The following ARL15 variants were observed in gnomAD, a reference collection of about 807,000 sequenced individuals.
The protein encoded by ARL15 is ADP-ribosylation factor-like protein 15.
A neutral mutation model predicts 25.2 loss-of-function variants in ARL15; 19 were observed. That is an observed-to-expected ratio of 0.75 (90% CI 0.53 to 1.10). The LOEUF is 1.10. Among genes scored for constraint, ARL15 ranks in the 50% least tolerant of loss-of-function variants. The pLI, the probability that ARL15 is intolerant of heterozygous loss-of-function variation, is 0.00. For missense variants in ARL15, 220 were observed against 246.0 expected, an observed-to-expected ratio of 0.89 and a Z score of 0.71; for synonymous variants, 94 against 86.8, an observed-to-expected ratio of 1.08 and a Z score of -0.46.
At chr5:54,298,196 T>A (rs1308862853) in intron 1 of ARL15, among the ~76,000 whole-genome samples, 1 of 152,280 alleles carries the variant, frequency 6.6e-6, no homozygotes, top group East Asian at 1.9e-4. Context: ...ATTGTCTACC[T>A]ATGGATTCAC....
intron 1 of ARL15, among the ~76,000 whole-genome samples, chr5:54,210,251 C>T (rs1012311145): frequency 2.6e-5 from 4 of 152,132 alleles, no homozygotes; most frequent in African/African-American, 9.7e-5. Flanking sequence ...GGCATCATTA[C>T]CATAAAATCC....
At chr5:54,057,589 C>A (rs1361534240) in intron 4 of ARL15, among the ~76,000 whole-genome samples, 1 of 152,200 alleles carries the variant, frequency 6.6e-6, no homozygotes. Flanking sequence ...GTGGCTCATG[C>A]CTGTAATGTC....
chr5:54,142,688 G>T (rs1207661863), intron 3 of ARL15, among the ~76,000 whole-genome samples: 1 of 152,090 alleles, frequency 6.6e-6, no homozygotes, highest in Non-Finnish European at 1.5e-5. Flanking sequence ...CGTGTTCCAT[G>T]CTCTTATGTT....
intron 1 of ARL15, among the ~76,000 whole-genome samples, chr5:54,267,015 T>A (rs1757641692): frequency 6.6e-6 from 1 of 152,198 alleles, no homozygotes; most frequent in African/African-American, 2.4e-5. Flanking sequence ...TCTGGATATT[T>A]ATTAAATGGT....
intron 4 of ARL15, among the ~76,000 whole-genome samples, chr5:53,921,563 A>G (rs1042178871): frequency 2.0e-5 from 3 of 152,224 alleles, no homozygotes; most frequent in Non-Finnish European, 4.4e-5. Context: ...ACTTGAGGTC[A>G]GGAGTTCAAG....
intron 4 of ARL15, among the ~76,000 whole-genome samples, chr5:54,056,816 C>G (rs1440361421): frequency 6.6e-6 from 1 of 152,074 alleles, no homozygotes; most frequent in Non-Finnish European, 1.5e-5. Context: ...AACTGCTTAT[C>G]TTTGGGCAAA....
chr5:54,023,102 C>G (rs76503453), intron 4 of ARL15, among the ~76,000 whole-genome samples: 7,183 of 151,884 alleles, frequency 0.047, 230 homozygotes, highest in Middle Eastern at 0.078. Flanking sequence ...ATCTGAACAA[C>G]CGAAAGAAAC....
chr5:54,146,390 T>C (rs537502037), intron 3 of ARL15, among the ~76,000 whole-genome samples: 43 of 152,128 alleles, frequency 2.8e-4, no homozygotes, highest in Admixed American at 2.0e-4. Context: ...ACAAGAGAAT[T>C]GTTATCAGCA....
chr5:54,204,060 A>G (rs1289938429), intron 1 of ARL15, among the ~76,000 whole-genome samples: 1 of 152,124 alleles, frequency 6.6e-6, no homozygotes, highest in Non-Finnish European at 1.5e-5. Context: ...AAAAATCTGG[A>G]AGCTGCTACC....
chr5:54,256,068 A>G (rs1159107704), intron 1 of ARL15, among the ~76,000 whole-genome samples: 1 of 152,090 alleles, frequency 6.6e-6, no homozygotes, highest in Non-Finnish European at 1.5e-5. Flanking sequence ...AAAAATAACA[A>G]AGATCAGAAC....
chr5:53,884,716 G>A lies in ARL15; in HGVS notation c.*1845C>T, dbSNP rs1744463045. Reference sequence around the variant, plus strand: ...GGGAAGTCATTTAACAGATGGCTTAGGAGCACTCAGCCACGGTGTCTTAAA... The same window carrying A: ...GGGAAGTCATTTAACAGATGGCTTAAGAGCACTCAGCCACGGTGTCTTAAA... On this transcript the variant is annotated 3_prime_UTR_variant, in exon 5 of 5. Transcript: ENST00000504924. 6.6e-6 allele frequency: 1 copy of A among 152,214 alleles called. No individual in the cohort carries two copies. The highest frequency in any genetic ancestry group is 2.4e-5 in the African/African-American group (1 of 41,352). 9.4% of individuals were successfully genotyped at this position (152,214 alleles called of 1,614,324 possible). A position where few individuals can be genotyped will look rare whatever the true frequency, so the allele number is the denominator to read the frequency against.
intron 4 of ARL15, among the ~76,000 whole-genome samples, chr5:54,111,033 G>A (rs1265648743): frequency 6.6e-6 from 1 of 151,926 alleles, no homozygotes; most frequent in Non-Finnish European, 1.5e-5. Context: ...CCATGTCACT[G>A]TGCTTCCATA....
At chr5:53,933,574 G>C (rs1454827731) in intron 4 of ARL15, among the ~76,000 whole-genome samples, 1 of 136,398 alleles carries the variant, frequency 7.3e-6, no homozygotes, top group African/African-American at 2.7e-5. Context: ...GAACCTGGGA[G>C]ACAGAGCTTG....
intron 1 of ARL15, among the ~76,000 whole-genome samples, chr5:54,245,942 A>C (rs1394012331): frequency 6.6e-6 from 1 of 152,130 alleles, no homozygotes; most frequent in Non-Finnish European, 1.5e-5. Context: ...CCTTTCTGAT[A>C]ATATTGTATC....
At chr5:54,177,687 T>A (rs1000985774) in intron 1 of ARL15, among the ~76,000 whole-genome samples, 1 of 152,150 alleles carries the variant, frequency 6.6e-6, no homozygotes, top group Non-Finnish European at 1.5e-5. Context: ...TAATTGTACA[T>A]TTCATTTTCC....
At chr5:54,087,276 T>A (rs1229618602) in intron 4 of ARL15, among the ~76,000 whole-genome samples, 5 of 151,574 alleles carry the variant, frequency 3.3e-5, no homozygotes, top group African/African-American at 1.2e-4. Context: ...TGCAGTGAAC[T>A]GAGATCAAGC....
chr5:54,255,939 T>G (rs1757350570), intron 1 of ARL15, among the ~76,000 whole-genome samples: 1 of 151,974 alleles, frequency 6.6e-6, no homozygotes, highest in Non-Finnish European at 1.5e-5. Flanking sequence ...GGAAAGTTTA[T>G]AGCACTAAAT....
intron 4 of ARL15, among the ~76,000 whole-genome samples, chr5:54,037,371 A>G: frequency 6.6e-6 from 1 of 152,116 alleles, no homozygotes; most frequent in South Asian, 2.1e-4. Flanking sequence ...GATAAAGAAA[A>G]AGTTTACATA....
intron 1 of ARL15, among the ~76,000 whole-genome samples, chr5:54,196,978 T>C (rs1003452222): frequency 1.3e-5 from 2 of 152,144 alleles, no homozygotes; most frequent in African/African-American, 4.8e-5. Flanking sequence ...CTTTAAACTC[T>C]GAAGAATATA....
Sources: gnomAD v4.1 joint callset for allele counts (sites outside exome capture counted in the v4.1 genomes callset) on GRCh38, gnomAD v4.1.1 for gene constraint, MANE v1.5 for transcripts, NCBI Gene and HGNC (gene_info 2026-07-23, HGNC 2026-07-21) for gene names.